AGBL1: variants seen among roughly 807,000 people sequenced by gnomAD.
AGBL1 encodes the protein AGBL carboxypeptidase 1.
In AGBL1, 130 loss-of-function variants were observed where a neutral mutation model predicts 118.9. That is an observed-to-expected ratio of 1.09 (90% confidence interval 0.95 to 1.26). AGBL1 has a LOEUF of 1.26. Among genes scored for constraint, AGBL1 ranks in the 50% most tolerant of loss-of-function variants. The pLI is 0.00. For synonymous variants in AGBL1, 555 were observed against 478.9 expected (o/e 1.16, Z -2.08); for missense variants, 1,584 against 1,298.1 (o/e 1.22, Z -3.38).
intron 7 of AGBL1, among the ~76,000 whole-genome samples, chr15:86,252,791 G>A (rs1390606950): frequency 6.6e-6 from 1 of 152,164 alleles, no homozygotes; most frequent in Non-Finnish European, 1.5e-5. Context: ...AGGACGTTTT[G>A]GAGGGTCAGG....
chr15:86,870,716 G>T (rs558483448), intron 22 of AGBL1, among the ~76,000 whole-genome samples: 17 of 152,238 alleles, frequency 1.1e-4, no homozygotes, highest in Admixed American at 3.3e-4. Flanking sequence ...GAAATCATGA[G>T]GAAAAGAGAT....
At position 86,873,149 on chromosome 15, in the gene AGBL1, G is replaced by A. The variant is rs371416718; in HGVS notation, c.3159-33938G>A. Among the ~76,000 whole-genome samples, 31 of 152,274 alleles carry A rather than the reference G, an allele frequency of 2.0e-4. No individual in the cohort carries two copies. In the South Asian group the frequency reaches 6.0e-3, roughly 30 times the overall value. ...CAAAGGTAAAGTTTTCATCTCTGCA[G>A]GAGCAATTAATTTTTCCTGTTTAAA... On this transcript the variant is annotated intron_variant, in intron 22 of 22. Coordinates refer to ENST00000614907, the MANE Select transcript of AGBL1 (RefSeq NM_001386094.1).
intron 22 of AGBL1, among the ~76,000 whole-genome samples, chr15:86,802,611 T>A (rs1015417327): frequency 6.6e-6 from 1 of 152,178 alleles, no homozygotes; most frequent in Non-Finnish European, 1.5e-5. Context: ...ATTCAGATTC[T>A]ATATCTAAGG....
chr15:86,807,116 T>C (rs1185970307), intron 22 of AGBL1, among the ~76,000 whole-genome samples: 1 of 152,172 alleles, frequency 6.6e-6, no homozygotes, highest in East Asian at 1.9e-4. Context: ...TCCAAGTTAG[T>C]TGATCTTGAA....
At chr15:86,215,551 G>T (rs2078174260) in intron 5 of AGBL1, among the ~76,000 whole-genome samples, 1 of 152,042 alleles carries the variant, frequency 6.6e-6, no homozygotes, top group Admixed American at 6.6e-5. Flanking sequence ...ATGTGGTGTT[G>T]GACAGCAGGT....
chr15:86,950,152 A>G (rs1287834110), intron 23 of AGBL1, among the ~76,000 whole-genome samples: 1 of 152,008 alleles, frequency 6.6e-6, no homozygotes, highest in African/African-American at 2.4e-5. Flanking sequence ...GAAATTACCT[A>G]AAGGAAAGAT....
chr15:86,491,156 GA>G (rs137911724), intron 18 of AGBL1, among the ~76,000 whole-genome samples: 6,867 of 152,168 alleles, frequency 0.045, 532 homozygotes, highest in African/African-American at 0.16. Flanking sequence ...CAGGGATACA[GA>G]AGAGGGTATT....
intron 17 of AGBL1, among the ~76,000 whole-genome samples, chr15:86,339,681 T>C (rs2080431067): frequency 6.6e-6 from 1 of 152,170 alleles, no homozygotes; most frequent in South Asian, 2.1e-4. Flanking sequence ...CTAAAGTTTT[T>C]ATTTCGGCCG....
intron 24 of AGBL1, among the ~76,000 whole-genome samples, chr15:87,007,440 G>A (rs978600178): frequency 1.1e-4 from 17 of 152,080 alleles, no homozygotes; most frequent in Admixed American, 2.0e-4. Context: ...CTGGACTTTG[G>A]TAGGAACTTT....
intron 21 of AGBL1, among the ~76,000 whole-genome samples, chr15:86,605,575 C>T (rs2084563713): frequency 6.6e-6 from 1 of 152,158 alleles, no homozygotes; most frequent in African/African-American, 2.4e-5. Flanking sequence ...TTTTTACTTT[C>T]TAAATCTCTG....
chr15:86,538,852 G>A (rs2083458212), intron 19 of AGBL1, among the ~76,000 whole-genome samples: 1 of 152,198 alleles, frequency 6.6e-6, no homozygotes, highest in Admixed American at 6.5e-5. Context: ...GTGTTTGAGA[G>A]GGAGAGGGTA....
At chr15:86,937,262 A>G (rs1038062268) in intron 23 of AGBL1, among the ~76,000 whole-genome samples, 6 of 152,226 alleles carry the variant, frequency 3.9e-5, no homozygotes, top group African/African-American at 1.4e-4. Context: ...CAAAGAGCTA[A>G]AAGCAGAACT....
At chr15:86,529,932 C>A (rs2083325631) in intron 19 of AGBL1, among the ~76,000 whole-genome samples, 1 of 137,368 alleles carries the variant, frequency 7.3e-6, no homozygotes, top group Admixed American at 7.0e-5. Context: ...ACCACCAGGC[C>A]TGCCCTAAAA....
At chr15:86,863,427 C>G in intron 22 of AGBL1, among the ~76,000 whole-genome samples, 1 of 152,136 alleles carries the variant, frequency 6.6e-6, no homozygotes. Flanking sequence ...TAGATTCAAG[C>G]CCTTGAGGCC....
chr15:86,562,712 G>A (rs1218086741), intron 21 of AGBL1, among the ~76,000 whole-genome samples: 1 of 152,182 alleles, frequency 6.6e-6, no homozygotes, highest in Non-Finnish European at 1.5e-5. Flanking sequence ...AGTTTCAGAA[G>A]GAATGGTACC....
intron 21 of AGBL1, among the ~76,000 whole-genome samples, chr15:86,603,508 C>A (rs1220090118): frequency 6.6e-6 from 1 of 151,966 alleles, no homozygotes; most frequent in Non-Finnish European, 1.5e-5. Flanking sequence ...TCCCCCTTAG[C>A]CCCCTATTTT....
chr15:86,766,353 T>C (rs1208937383), intron 22 of AGBL1, among the ~76,000 whole-genome samples: 5 of 151,996 alleles, frequency 3.3e-5, no homozygotes, highest in African/African-American at 1.2e-4. Context: ...ATTTAGAATT[T>C]GTTTCCTTCC....
chr15:87,024,003 T>A (rs187875365), intron 24 of AGBL1, among the ~76,000 whole-genome samples: 1 of 151,954 alleles, frequency 6.6e-6, no homozygotes, highest in African/African-American at 2.4e-5. Context: ...GGAAGGTTCA[T>A]AGCACTAAAT....
chr15:86,546,857 A>G (rs1002260873), intron 20 of AGBL1, among the ~76,000 whole-genome samples: 1 of 152,200 alleles, frequency 6.6e-6, no homozygotes, highest in Non-Finnish European at 1.5e-5. Flanking sequence ...ACACTAAATG[A>G]AAACTGGTCT....
Sources: gnomAD v4.1 joint callset for allele counts (sites outside exome capture counted in the v4.1 genomes callset) on GRCh38, gnomAD v4.1.1 for gene constraint, MANE v1.5 for transcripts, NCBI Gene and HGNC (gene_info 2026-07-23, HGNC 2026-07-21) for gene names.